Variants in BCL2 observed in about 807,000 individuals in gnomAD.
BCL2 encodes the protein BCL2 apoptosis regulator, also known as apoptosis regulator Bcl-2.
In BCL2, 1 loss-of-function variant was observed where a neutral mutation model predicts 14.2. The observed-to-expected ratio is 0.07, with a 90% CI of 0.02 to 0.33. The LOEUF (loss-of-function observed/expected upper bound fraction) is 0.33, where lower values mean the gene tolerates loss of function less well. Among genes scored for constraint, BCL2 ranks in the 10% least tolerant of loss-of-function variants. The pLI is 0.99. For missense variants in BCL2, 247 were observed against 305.9 expected, an observed-to-expected ratio of 0.81 and a Z score of 1.44; for synonymous variants, 151 against 137.2, an observed-to-expected ratio of 1.10 and a Z score of -0.70.
chr18:63,256,222 A>T (rs1432750643), intron 2 of BCL2, among the ~76,000 whole-genome samples: 1 of 152,144 alleles, frequency 6.6e-6, no homozygotes, highest in Non-Finnish European at 1.5e-5. Flanking sequence ...ATGGAAAAAA[A>T]TTATTATTAT....
At chr18:63,160,652 G>T (rs1257583874) in intron 2 of BCL2, among the ~76,000 whole-genome samples, 2 of 152,102 alleles carry the variant, frequency 1.3e-5, no homozygotes, top group Non-Finnish European at 2.9e-5. Context: ...TCTGGCCCAG[G>T]GTAGCACATT....
intron 2 of BCL2, among the ~76,000 whole-genome samples, chr18:63,157,725 C>G (rs1914818754): frequency 6.6e-6 from 1 of 152,186 alleles, no homozygotes; most frequent in African/African-American, 2.4e-5. Flanking sequence ...AGCAGACCTT[C>G]CTCCTAATTC....
chr18:63,202,813 A>G (rs1909734723), intron 2 of BCL2, among the ~76,000 whole-genome samples: 2 of 152,198 alleles, frequency 1.3e-5, no homozygotes, highest in Non-Finnish European at 1.5e-5. Flanking sequence ...TTGTGCAGCC[A>G]TGGTTTTCTT....
chr18:63,284,309 T>A (rs538643006), intron 2 of BCL2, among the ~76,000 whole-genome samples: 10 of 152,190 alleles, frequency 6.6e-5, no homozygotes, highest in African/African-American at 1.9e-4. Context: ...CACCTCTGCC[T>A]CCCCACTAAG....
At chr18:63,312,068 T>C (rs1193398900) in intron 2 of BCL2, among the ~76,000 whole-genome samples, 1 of 152,236 alleles carries the variant, frequency 6.6e-6, no homozygotes, top group African/African-American at 2.4e-5. Flanking sequence ...TAGTGTCTGG[T>C]CACAGAATTT....
At chr18:63,183,199 C>T (rs1354702774) in intron 2 of BCL2, among the ~76,000 whole-genome samples, 1 of 152,168 alleles carries the variant, frequency 6.6e-6, no homozygotes, top group Non-Finnish European at 1.5e-5. Flanking sequence ...GTAACAGCAA[C>T]TCATGGAGGG....
At chr18:63,177,211 T>C (rs1226454508) in intron 2 of BCL2, among the ~76,000 whole-genome samples, 1 of 152,072 alleles carries the variant, frequency 6.6e-6, no homozygotes, top group Non-Finnish European at 1.5e-5. Context: ...TTTTCAAAAG[T>C]AAAAAATAAA....
At chr18:63,278,735 G>C (rs73475363) in intron 2 of BCL2, among the ~76,000 whole-genome samples, 1,607 of 152,234 alleles carry the variant, frequency 0.011, 37 homozygotes, top group African/African-American at 0.036. Context: ...CTTGAATAAA[G>C]TCTTCTCTGC....
intron 2 of BCL2, among the ~76,000 whole-genome samples, chr18:63,223,410 A>AT (rs1386930517): frequency 2.5e-4 from 32 of 126,976 alleles, no homozygotes; most frequent in African/African-American, 7.0e-4. Flanking sequence ...AAAAAAAAAA[A>AT]ATAAATAAAG....
At chr18:63,230,912 A>T (rs1044474001) in intron 2 of BCL2, among the ~76,000 whole-genome samples, 1 of 152,068 alleles carries the variant, frequency 6.6e-6, no homozygotes, top group African/African-American at 2.4e-5. Flanking sequence ...CTGAAAAAAA[A>T]AATTAGCAAA....
rs1477211353 is a variant in BCL2 at position 63,127,306 on chromosome 18, TGGGCCGTGGCCA to T, written c.*1307_*1318del. ...AACGTGCCATGTGCTACAGCCAAAA[TGGGCCGTGGCCA>T]TTGCCTCTCCTCACGTTCCCAGCCT... is the stretch of plus-strand genomic sequence containing the variant. On this transcript the variant is annotated 3_prime_UTR_variant, in exon 3 of 3. Coordinates refer to ENST00000333681, the MANE Select transcript of BCL2 (RefSeq NM_000633.3). 3.0e-5 allele frequency: 7 copies of T among 231,726 alleles called. No homozygotes were observed. The highest frequency in any genetic ancestry group is 1.1e-4 in the Admixed American group (2 of 17,708). The allele number at this position is 231,726 out of a possible 1,614,324, so 14.4% of individuals were successfully genotyped here. A position where few individuals can be genotyped will look rare whatever the true frequency, so the allele number is the denominator to read the frequency against.
intron 2 of BCL2, among the ~76,000 whole-genome samples, chr18:63,169,687 C>A (rs1915178253): frequency 6.6e-6 from 1 of 151,672 alleles, no homozygotes; most frequent in Non-Finnish European, 1.5e-5. Flanking sequence ...CCATGCCCAG[C>A]TAATTTTTGT....
At chr18:63,273,347 C>T (rs1215150653) in intron 2 of BCL2, among the ~76,000 whole-genome samples, 3 of 152,156 alleles carry the variant, frequency 2.0e-5, no homozygotes, top group Non-Finnish European at 2.9e-5. Flanking sequence ...TGAATCTCAG[C>T]GTAGAGATAT....
chr18:63,295,283 A>G (rs944486729), intron 2 of BCL2, among the ~76,000 whole-genome samples: 3 of 152,166 alleles, frequency 2.0e-5, no homozygotes, highest in Non-Finnish European at 4.4e-5. Flanking sequence ...TAGATATTAT[A>G]CTACAATATG....
intron 2 of BCL2, among the ~76,000 whole-genome samples, chr18:63,283,757 A>G (rs1160142938): frequency 6.6e-6 from 1 of 152,190 alleles, no homozygotes; most frequent in African/African-American, 2.4e-5. Flanking sequence ...TTTTCAGTTC[A>G]ATTCTATCCC....
At chr18:63,293,011 A>G (rs928911044) in intron 2 of BCL2, among the ~76,000 whole-genome samples, 33 of 152,168 alleles carry the variant, frequency 2.2e-4, no homozygotes, top group African/African-American at 8.0e-4. Flanking sequence ...GTGTCCCCAC[A>G]GGGGAAGTTC....
intron 2 of BCL2, among the ~76,000 whole-genome samples, chr18:63,206,849 GAGGAAAAGA>G (rs551642923): frequency 3.8e-4 from 58 of 152,242 alleles, no homozygotes; most frequent in Admixed American, 8.5e-4. Context: ...GGGCGGGGAG[GAGGAAAAGA>G]AGGAAGGAAG....
intron 2 of BCL2, among the ~76,000 whole-genome samples, chr18:63,270,612 G>A (rs948010590): frequency 7.2e-5 from 11 of 152,044 alleles, no homozygotes; most frequent in African/African-American, 1.7e-4. Flanking sequence ...TAGATTCTGC[G>A]GAAAGGAAAC....
chr18:63,291,820 C>T (rs940771520), intron 2 of BCL2, among the ~76,000 whole-genome samples: 1 of 150,302 alleles, frequency 6.7e-6, no homozygotes, highest in African/African-American at 2.5e-5. Flanking sequence ...CTTACTGAAA[C>T]AGGAATGGAA....
Sources: gnomAD v4.1 joint callset for allele counts (sites outside exome capture counted in the v4.1 genomes callset) on GRCh38, gnomAD v4.1.1 for gene constraint, MANE v1.5 for transcripts, NCBI Gene and HGNC (gene_info 2026-07-23, HGNC 2026-07-21) for gene names.